CSMD3: variants seen among roughly 807,000 people sequenced by gnomAD.
CSMD3 encodes CUB and Sushi multiple domains 3.
In CSMD3, 177 loss-of-function variants were observed where a neutral mutation model predicts 435.2. The ratio of observed to expected loss-of-function variants is 0.41; its 90% CI spans 0.36 to 0.46. CSMD3 has a LOEUF of 0.46. Among genes scored for constraint, CSMD3 ranks in the 20% least tolerant of loss-of-function variants. The pLI is 0.34. For missense variants in CSMD3, 4,265 were observed against 4,504.6 expected (o/e 0.95, Z 1.52); for synonymous variants, 1,656 against 1,520.5 (o/e 1.09, Z -2.07).
At chr8:112,487,344 G>A (rs2130825939) in intron 31 of CSMD3, among the ~76,000 whole-genome samples, 1 of 152,270 alleles carries the variant, frequency 6.6e-6, no homozygotes, top group East Asian at 1.9e-4. Flanking sequence ...CAGCCAGAGA[G>A]CTGGGGTAAA....
At chr8:113,113,661 A>G (rs1428482934) in intron 4 of CSMD3, among the ~76,000 whole-genome samples, 1 of 152,128 alleles carries the variant, frequency 6.6e-6, no homozygotes, top group Admixed American at 6.5e-5. Flanking sequence ...GTCTCACAAT[A>G]CTTGCAATCA....
chr8:112,502,568 T>A (rs1368551401), intron 30 of CSMD3, among the ~76,000 whole-genome samples: 1 of 152,208 alleles, frequency 6.6e-6, no homozygotes, highest in Non-Finnish European at 1.5e-5. Flanking sequence ...ACCCATATCA[T>A]GTGTTGTGAA....
chr8:112,975,819 T>C lies in CSMD3; in HGVS notation c.1342+18A>G, dbSNP rs761318784. 6.2e-7 allele frequency: 1 copy of C among 1,612,242 alleles called. No homozygotes were observed. The highest frequency in any genetic ancestry group is 8.5e-7 in the Non-Finnish European group (1 of 1,179,654). On this transcript the variant is annotated intron_variant, in intron 7 of 70. Transcript: ENST00000297405. ...TTGGCTGTAACTAAATGGGCACAAG[T>C]AAAATAACATCCAATACCTCTATGA...
At chr8:112,977,738 T>G (rs2084906995) in intron 6 of CSMD3, among the ~76,000 whole-genome samples, 1 of 152,110 alleles carries the variant, frequency 6.6e-6, no homozygotes, top group African/African-American at 2.4e-5. Flanking sequence ...TTTTAAATAT[T>G]TTAATGTTTT....
At chr8:112,360,306 G>A (rs982637642) in intron 38 of CSMD3, among the ~76,000 whole-genome samples, 4 of 151,862 alleles carry the variant, frequency 2.6e-5, no homozygotes, top group South Asian at 4.2e-4. Context: ...ATCCAGTAGC[G>A]ACAGTTTCCT....
At chr8:113,178,246 G>T (rs60648602) in intron 3 of CSMD3, among the ~76,000 whole-genome samples, 1 of 151,774 alleles carries the variant, frequency 6.6e-6, no homozygotes, top group Non-Finnish European at 1.5e-5. Flanking sequence ...TGTGTAGAAA[G>T]GAAAACTGAG....
intron 22 of CSMD3, among the ~76,000 whole-genome samples, chr8:112,610,809 T>A (rs1309223263): frequency 6.6e-6 from 1 of 152,164 alleles, no homozygotes; most frequent in Non-Finnish European, 1.5e-5. Context: ...AGAGGCTGAA[T>A]GGAGTGGACT....
At chr8:113,181,034 TATC>T (rs1488327293) in intron 3 of CSMD3, among the ~76,000 whole-genome samples, 1 of 151,914 alleles carries the variant, frequency 6.6e-6, no homozygotes, top group African/African-American at 2.4e-5. Flanking sequence ...TTATTATTAT[TATC>T]ATTATTTGTT....
intron 2 of CSMD3, among the ~76,000 whole-genome samples, chr8:113,291,655 G>A (rs1390228682): frequency 6.6e-6 from 1 of 151,812 alleles, no homozygotes; most frequent in Non-Finnish European, 1.5e-5. Flanking sequence ...AACCCAAGAT[G>A]TTTGTTCCCC....
intron 3 of CSMD3, among the ~76,000 whole-genome samples, chr8:113,252,250 T>C (rs539541124): frequency 2.6e-4 from 40 of 152,210 alleles, no homozygotes; most frequent in African/African-American, 8.7e-4. Flanking sequence ...ACTCATAAAC[T>C]ATAAACCAAT....
chr8:112,525,543 AC>A (rs1433701117), intron 27 of CSMD3, among the ~76,000 whole-genome samples: 1 of 148,660 alleles, frequency 6.7e-6, no homozygotes, highest in Non-Finnish European at 1.5e-5. Flanking sequence ...ACATGGTGAA[AC>A]CCCGTCTCTA....
At chr8:112,977,425 A>G (rs2084894672) in intron 6 of CSMD3, among the ~76,000 whole-genome samples, 1 of 152,126 alleles carries the variant, frequency 6.6e-6, no homozygotes, top group African/African-American at 2.4e-5. Context: ...ATTCTGAAAG[A>G]GAAAAAAAAG....
chr8:112,417,943 C>T (rs1037605155), intron 32 of CSMD3, among the ~76,000 whole-genome samples: 2 of 151,860 alleles, frequency 1.3e-5, no homozygotes, highest in Admixed American at 6.6e-5. Flanking sequence ...ACTCCTTTTG[C>T]AAAATCTACA....
intron 70 of CSMD3, among the ~76,000 whole-genome samples, chr8:112,226,073 T>C (rs1812526519): frequency 6.6e-6 from 1 of 152,186 alleles, no homozygotes; most frequent in African/African-American, 2.4e-5. Context: ...TTAATTTTAT[T>C]ATAATTTGTA....
intron 4 of CSMD3, among the ~76,000 whole-genome samples, chr8:113,164,156 T>A (rs935210969): frequency 6.6e-6 from 1 of 152,054 alleles, no homozygotes; most frequent in African/African-American, 2.4e-5. Flanking sequence ...AGAACTTGAC[T>A]TTTGTAAATT....
intron 10 of CSMD3, among the ~76,000 whole-genome samples, chr8:112,888,374 C>T (rs537753572): frequency 2.6e-4 from 39 of 151,668 alleles, no homozygotes; most frequent in African/African-American, 7.2e-4. Context: ...CAATGGAGTG[C>T]TAGGAGGCCC....
chr8:112,366,312 T>C (rs770087605), intron 38 of CSMD3, among the ~76,000 whole-genome samples: 2 of 152,178 alleles, frequency 1.3e-5, no homozygotes, highest in Non-Finnish European at 2.9e-5. Flanking sequence ...TCCTTTCTAC[T>C]GCAACAATGC....
At chr8:112,829,881 C>T (rs964820082) in intron 11 of CSMD3, 92 bp from the exon 12 acceptor site, 1 of 645,390 alleles carries the variant, frequency 1.5e-6, no homozygotes, top group Non-Finnish European at 2.8e-6. Flanking sequence ...TTCTTTGTCT[C>T]TCTGCACACA....
At chr8:113,117,202 GT>G (rs1232143676) in intron 4 of CSMD3, among the ~76,000 whole-genome samples, 3 of 152,184 alleles carry the variant, frequency 2.0e-5, no homozygotes, top group Admixed American at 6.5e-5. Context: ...GAAAAAAATG[GT>G]TTTGTGGGCT....
Sources: allele counts gnomAD v4.1 joint callset (sites outside exome capture counted in the v4.1 genomes callset), GRCh38; gene constraint gnomAD v4.1.1; transcripts MANE v1.5; gene names NCBI Gene and HGNC (gene_info 2026-07-23, HGNC 2026-07-21).